Variants in RESP18 observed in about 807,000 individuals in gnomAD.
The protein encoded by RESP18 is regulated endocrine specific protein 18.
A neutral mutation model predicts 30.0 loss-of-function variants in RESP18; 30 were observed. The observed-to-expected ratio is 1.00, with a 90% CI of 0.75 to 1.36. RESP18 has a LOEUF of 1.36. RESP18 is among the 40% of genes most tolerant of loss of function. RESP18 has a pLI of 0.00. For missense variants in RESP18, 320 were observed against 284.2 expected (o/e 1.13, Z -0.91); for synonymous variants, 117 against 111.2 (o/e 1.05, Z -0.33).
At chr2:219,328,778 T>A in intron 6 of RESP18, 146 bp downstream of exon 5, 1 of 608,232 alleles carries the variant, frequency 1.6e-6, no homozygotes, top group Non-Finnish European at 2.9e-6. Context: ...AGGGGGAGGC[T>A]GAATGTGAGG....
At chr2:219,328,149 C>G (rs970073003) in intron 6 of RESP18, among the ~76,000 whole-genome samples, 1 of 152,210 alleles carries the variant, frequency 6.6e-6, no homozygotes, top group African/African-American at 2.4e-5. Flanking sequence ...CCAGGGTGGC[C>G]TTTTAAAATC....
chr2:219,331,145 G>T (rs114554289), intron 2 of RESP18: 6 of 344,754 alleles, frequency 1.7e-5, no homozygotes, highest in African/African-American at 6.4e-5. Context: ...GTTCAGATGC[G>T]CAGAGGCTCA....
At chr2:219,331,715 G>A (rs1042282252) in intron 2 of RESP18, among the ~76,000 whole-genome samples, 3 of 152,166 alleles carry the variant, frequency 2.0e-5, no homozygotes, top group African/African-American at 7.2e-5. Context: ...TGACCCGCTC[G>A]GGCTCGGCGT....
In RESP18 at chr2:219,332,727, G is replaced by A. The variant is rs577316698; in HGVS notation, c.29C>T (p.Ala10Val). 1.3e-6 allele frequency: 2 copies of A among 1,545,368 alleles called. No homozygotes were observed. Among genetic ancestry groups the A allele is most frequent in the African/African-American group, 1.4e-5 (1 of 73,020 alleles). Residue 10 changes from alanine to valine, a missense_variant, in exon 2 of 7, where the codon GCG becomes GTG. Ala to Val is a moderately conservative substitution (Grantham distance 64, BLOSUM62 0). Coordinates refer to ENST00000333527, the MANE Select transcript of RESP18 (RefSeq NM_001007089.4). ...CGGGGCTGCAGCTTCCCACCAGCCCGCGACTCCGAATCTGTTTAACCCTCC... is the reference window on the plus strand; with the variant it reads ...CGGGGCTGCAGCTTCCCACCAGCCCACGACTCCGAATCTGTTTAACCCTCC...
intron 2 of RESP18, among the ~76,000 whole-genome samples, chr2:219,332,177 A>G (rs993860536): frequency 2.6e-5 from 4 of 152,154 alleles, no homozygotes; most frequent in African/African-American, 4.8e-5. Context: ...CCCTGGAGCC[A>G]AGACCCCGAT....
intron 2 of RESP18, 141 bp downstream of exon 1, chr2:219,332,383 G>T (rs1952840311): frequency 3.1e-6 from 2 of 653,128 alleles, no homozygotes; most frequent in Non-Finnish European, 5.2e-6. Context: ...TCCGCTAGAC[G>T]CTGTCTACCT....
intron 6 of RESP18, 129 bp from the exon 6 acceptor site, chr2:219,327,692 C>T: frequency 1.3e-6 from 1 of 782,958 alleles, no homozygotes; most frequent in East Asian, 2.7e-5. Context: ...GGTGACAGCT[C>T]ACCAACTGAG....
chr2:219,330,887 ATAG>A lies in RESP18; in HGVS notation c.233-15_233-13del. 6.6e-7 allele frequency: 1 copy of A among 1,514,746 alleles called. No homozygotes were observed. The highest frequency in any genetic ancestry group is 1.2e-5 in the South Asian group (1 of 83,324). 93.8% of individuals were successfully genotyped at this position (1,514,746 alleles called of 1,614,324 possible). On this transcript the variant is annotated splice_polypyrimidine_tract_variant and intron_variant, in intron 2 of 6. Transcript: ENST00000333527. ...TTGGTCCTGACCATCTAAGGGCAAA[ATAG>A]TGGTGTCAGCAAGGAACCTGGCCAG...
chr2:219,330,395 A>G (rs1217499994), intron 3 of RESP18, among the ~76,000 whole-genome samples: 1 of 152,070 alleles, frequency 6.6e-6, no homozygotes, highest in Non-Finnish European at 1.5e-5. Flanking sequence ...TGTTTGTCAT[A>G]CAATTTCCTA....
At position 219,332,570 on chromosome 2, in the gene RESP18, C is replaced by T. The variant is rs1446312360; in HGVS notation, c.186G>A (p.Leu62=). The T allele has an allele frequency of 4.5e-6, 7 of 1,551,402 alleles. No individual in the cohort carries two copies. In the South Asian group the frequency reaches 8.3e-5, roughly 18 times the overall value. ...AGCCCCCCGGGCAGCTGTTCAGCAG[C>T]AGGAAGCAGACAAGCAGCTGGAGCC... Residue 62 remains leucine, a synonymous_variant, in exon 2 of 7, where the codon CTG becomes CTA. Coordinates refer to ENST00000333527, the MANE Select transcript of RESP18 (RefSeq NM_001007089.4).
intron 6 of RESP18, 140 bp downstream of exon 5, chr2:219,328,784 T>C (rs980696396): frequency 3.2e-6 from 2 of 615,616 alleles, no homozygotes; most frequent in Non-Finnish European, 5.8e-6. Flanking sequence ...AGGCTGAATG[T>C]GAGGGTCTCT....
In RESP18 at chr2:219,332,720, C is replaced by T. The variant is rs769751117; in HGVS notation, c.36G>A (p.Trp12Ter). The T allele has an allele frequency of 6.5e-7, 1 of 1,546,554 alleles. No homozygotes were observed. The highest frequency in any genetic ancestry group is 1.2e-5 in the South Asian group (1 of 83,670). ...GGCTGAGCGGGGCTGCAGCTTCCCA[C>T]CAGCCCGCGACTCCGAATCTGTTTA... Residue 12 changes from tryptophan to a stop codon, truncating the protein, a stop_gained, in exon 2 of 7, where the codon TGG becomes TGA. It adds an upstream start codon to the 5' untranslated region. Coordinates refer to ENST00000333527, the MANE Select transcript of RESP18 (RefSeq NM_001007089.4). LOFTEE classifies it high-confidence loss of function.
Position 219,329,426 on chromosome 2 carries a change from A to G in RESP18, c.466-174T>C, listed in dbSNP as rs1952806786. 5.8e-6 allele frequency: 9 copies of G among 1,551,240 alleles called. 1 individual carries two copies. The highest frequency in any genetic ancestry group is 7.8e-6 in the Non-Finnish European group (9 of 1,146,872). ...CTTGCTAGAAGAGACAGGGAATGAC[A>G]AATTGGACCTAGGCTTGCCACACCC... is the stretch of plus-strand genomic sequence containing the variant. On this transcript the variant is annotated intron_variant, in intron 4 of 6. Coordinates refer to ENST00000333527, the MANE Select transcript of RESP18 (RefSeq NM_001007089.4).
At chr2:219,332,468 C>T (rs573279465) in intron 2 of RESP18, 56 bp downstream of exon 1, 3 of 1,358,612 alleles carry the variant, frequency 2.2e-6, no homozygotes, top group Admixed American at 4.2e-5. Context: ...TGCAGACCCC[C>T]ACTTCTCAGG....
Position 219,332,826 on chromosome 2 carries a change from C to T in RESP18, c.18-88G>A, listed in dbSNP as rs1952846999. The stretch of plus-strand genomic sequence containing the variant: ...CCCAGCTCCTTCCCCTACCGCCTCC[C>T]CACCCTCATCTCTTGGAATTCCTGA... On this transcript the variant is annotated intron_variant, in intron 1 of 6. Transcript: ENST00000333527. 3.8e-6 allele frequency: 4 copies of T among 1,054,746 alleles called. No homozygotes were observed. The East Asian group carries it at 1.0e-4, about 28-fold the overall frequency. 65.3% of individuals were successfully genotyped at this position (1,054,746 alleles called of 1,614,324 possible).
chr2:219,330,946 G>T (rs1367548328), intron 2 of RESP18, 71 bp from the exon 2 acceptor site: 1 of 898,658 alleles, frequency 1.1e-6, no homozygotes, highest in African/African-American at 1.7e-5. Context: ...AAGAGAAGCA[G>T]CTTCCTTGTA....
At position 219,328,933 on chromosome 2, in the gene RESP18, T is replaced by G; in HGVS notation, c.631A>C (p.Lys211Gln). The G allele has an allele frequency of 6.5e-7, 1 of 1,548,852 alleles. No homozygotes were observed. Among genetic ancestry groups the G allele is most frequent in the Non-Finnish European group, 8.7e-7 (1 of 1,144,310 alleles). The change falls in exon 6 of 7, where the codon AAG becomes CAG. Residue 211 changes from lysine (K) to glutamine (Q), a missense_variant. Coordinates refer to ENST00000333527, the MANE Select transcript of RESP18 (RefSeq NM_001007089.4). ...TAAACTCAATACTTACGCATGATCTTATAGATAATTTCTTCCTTAGAGGGT... is the reference window on the plus strand; with the variant it reads ...TAAACTCAATACTTACGCATGATCTGATAGATAATTTCTTCCTTAGAGGGT...
chr2:219,329,046 G>A, intron 5 of RESP18, 38 bp from the exon 5 acceptor site: 1 of 1,510,452 alleles, frequency 6.6e-7, no homozygotes, highest in Non-Finnish European at 9.0e-7. Context: ...CTTTGATTAG[G>A]AATGGAAAAA....
Position 219,333,123 on chromosome 2 carries a change from ATATT to A in RESP18, c.17+34_17+37del, listed in dbSNP as rs1199890239. ...GCTATATATATATATATAATATTATATATTATATATTATATATGGCACATCCATC... is the reference window on the plus strand; with the variant it reads ...GCTATATATATATATATAATATTATAATATATTATATATGGCACATCCATC... On this transcript the variant is annotated intron_variant, in intron 1 of 6. Transcript: ENST00000333527. 10 of 902,498 alleles carry A rather than the reference ATATT, an allele frequency of 1.1e-5. No individual in the cohort carries two copies. The Admixed American group carries it at 4.0e-4, about 36-fold the overall frequency. The allele number at this position is 902,498 out of a possible 1,614,324, so 55.9% of individuals were successfully genotyped here.
Sources: gnomAD v4.1 joint callset for allele counts (sites outside exome capture counted in the v4.1 genomes callset) on GRCh38, gnomAD v4.1.1 for gene constraint, MANE v1.5 for transcripts, NCBI Gene and HGNC (gene_info 2026-07-23, HGNC 2026-07-21) for gene names.